The following OR11G2 variants were observed in gnomAD, a reference collection of about 807,000 sequenced individuals.
OR11G2 encodes the protein olfactory receptor 11G2.
Under a neutral mutation model 0.9 loss-of-function variants are expected in OR11G2, and 2 were observed. The observed-to-expected ratio is 2.35, with a 90% CI of 0.96 to 7.38. OR11G2 has a LOEUF of 7.38. Ranked by LOEUF, OR11G2 falls within the 30% of genes most tolerant of loss-of-function variation. The probability of loss-of-function intolerance (pLI) is 0.05; values close to 1 mark genes in which losing one functional copy is unlikely to be tolerated. For synonymous variants in OR11G2, 153 were observed against 142.0 expected (o/e 1.08, Z -0.55); for missense variants, 395 against 371.3 (o/e 1.06, Z -0.52).
intron 1 of OR11G2, among the ~76,000 whole-genome samples, chr14:20,195,574 A>G (rs570296102): frequency 6.6e-6 from 1 of 152,188 alleles, no homozygotes; most frequent in African/African-American, 2.4e-5. Context: ...TTGTGTTAAA[A>G]TTTCTCCCTC....
Position 20,200,951 on chromosome 14 carries a change from CA to C in OR11G2, c.*2584del, listed in dbSNP as rs1257251412. On this transcript the variant is annotated 3_prime_UTR_variant, in exon 2 of 2. Coordinates refer to ENST00000641879, the MANE Select transcript of OR11G2 (RefSeq NM_001386033.1). ...ATGTGTATATCTCCTGAAAGAGCTC[CA>C]AAAAACTGATAACAATGGTTGCTTC... 6.6e-6 allele frequency: 1 copy of C among 151,968 alleles called. No homozygotes were observed. The highest frequency in any genetic ancestry group is 2.4e-5 in the African/African-American group (1 of 41,370). 9.4% of individuals were successfully genotyped at this position (151,968 alleles called of 1,614,324 possible).
chr14:20,195,031 AG>A (rs1213295644), intron 1 of OR11G2, among the ~76,000 whole-genome samples: 1 of 152,238 alleles, frequency 6.6e-6, no homozygotes, highest in Non-Finnish European at 1.5e-5. Flanking sequence ...GAAGCAGAAA[AG>A]AAAAAACTTA....
In OR11G2 at chr14:20,200,393, T is replaced by G. The variant is rs116408634; in HGVS notation, c.*2020T>G. 3 of 152,102 alleles carry G rather than the reference T, an allele frequency of 2.0e-5. No individual in the cohort carries two copies. The highest frequency in any genetic ancestry group is 7.2e-5 in the African/African-American group (3 of 41,418). The allele number at this position is 152,102 out of a possible 1,614,324, so 9.4% of individuals were successfully genotyped here. A position where few individuals can be genotyped will look rare whatever the true frequency, so the allele number is the denominator to read the frequency against. Reference sequence around the variant, plus strand: ...TAAACGAATAACATCCAGAAAAAGATTCTTAAACATGGAAAGGGCACTAAC... The same window carrying G: ...TAAACGAATAACATCCAGAAAAAGAGTCTTAAACATGGAAAGGGCACTAAC... On this transcript the variant is annotated 3_prime_UTR_variant, in exon 2 of 2. Coordinates refer to ENST00000641879, the MANE Select transcript of OR11G2 (RefSeq NM_001386033.1).
chr14:20,192,467 A>G (rs554950021), intron 1 of OR11G2, among the ~76,000 whole-genome samples: 34 of 152,212 alleles, frequency 2.2e-4, no homozygotes, highest in Non-Finnish European at 4.3e-4. Flanking sequence ...AAGCTGTGGA[A>G]CAATAATTAT....
chr14:20,196,143 T>C (rs898783825), intron 1 of OR11G2, among the ~76,000 whole-genome samples: 3 of 152,238 alleles, frequency 2.0e-5, no homozygotes, highest in Admixed American at 2.0e-4. Flanking sequence ...CTGGTAATTT[T>C]ACCTCGTCCT....
rs1426817564 is a variant in OR11G2, at chr14:20,198,217, G to C, written c.780G>C (p.Leu260=). The change falls in exon 2 of 2, where the codon CTG becomes CTC. Residue 260 remains leucine (L), a synonymous_variant. Transcript: ENST00000641879. Reference sequence around the variant, plus strand: ...TTTCACTGTTCTACGGCTCAGTACTGGTCATGTATGGGAGCCCACCATCTA... The same window carrying C: ...TTTCACTGTTCTACGGCTCAGTACTCGTCATGTATGGGAGCCCACCATCTA... ...AVVSLFYGSV[L]VMYGSPPSKN... is the part of the protein sequence containing the mutation. The C allele has an allele frequency of 8.1e-6, 13 of 1,613,984 alleles. No individual in the cohort carries two copies. The highest frequency in any genetic ancestry group is 4.0e-5 in the African/African-American group (3 of 74,896).
rs913407236 is a variant in OR11G2, at chr14:20,199,737, G to A, written c.*1364G>A. On this transcript the variant is annotated 3_prime_UTR_variant, in exon 2 of 2. Transcript: ENST00000641879. ...CTTTCAGGAGATTATCATGTAGCAT[G>A]TGTCTTCAAAAGCCCACAAATCAGA... 2.0e-5 allele frequency: 3 copies of A among 152,122 alleles called. No individual in the cohort carries two copies. Among genetic ancestry groups the A allele is most frequent in the African/African-American group, 7.2e-5 (3 of 41,420 alleles). 9.4% of individuals were successfully genotyped at this position (152,122 alleles called of 1,614,324 possible). A position where few individuals can be genotyped will look rare whatever the true frequency, so the allele number is the denominator to read the frequency against.
At position 20,198,972 on chromosome 14, in the gene OR11G2, G is replaced by T. The variant is rs1340004606; in HGVS notation, c.*599G>T. The T allele has an allele frequency of 6.6e-6, 1 of 152,232 alleles. No homozygotes were observed. Among genetic ancestry groups the T allele is most frequent in the African/African-American group, 2.4e-5 (1 of 41,450 alleles). The allele number at this position is 152,232 out of a possible 1,614,324, so 9.4% of individuals were successfully genotyped here. On this transcript the variant is annotated 3_prime_UTR_variant, in exon 2 of 2. Transcript: ENST00000641879. ...CTAGCAAGTAGATGGAGTAGAGGCA[G>T]ATCACATTGATTCTATTTAAGCACT...
intron 1 of OR11G2, among the ~76,000 whole-genome samples, chr14:20,192,249 A>G (rs1313002052): frequency 6.6e-6 from 1 of 152,212 alleles, no homozygotes; most frequent in Non-Finnish European, 1.5e-5. Flanking sequence ...CTAGATCCAT[A>G]AAGTCTTCAT....
chr14:20,194,372 A>C (rs1566352660), intron 1 of OR11G2, among the ~76,000 whole-genome samples: 1 of 152,132 alleles, frequency 6.6e-6, no homozygotes, highest in African/African-American at 2.4e-5. Context: ...AGATGGGGAG[A>C]AGTGAGCAGA....
chr14:20,198,544 C>G lies in OR11G2; in HGVS notation c.*171C>G, dbSNP rs568674709. 2.1e-6 allele frequency: 1 copy of G among 477,150 alleles called. No individual in the cohort carries two copies. Among genetic ancestry groups the G allele is most frequent in the Non-Finnish European group, 3.7e-6 (1 of 270,400 alleles). The allele number at this position is 477,150 out of a possible 1,614,324, so 29.6% of individuals were successfully genotyped here. A position where few individuals can be genotyped will look rare whatever the true frequency, so the allele number is the denominator to read the frequency against. ...GAGATCAAGACCACCCTGGCTAACA[C>G]GGTGAAACCCTGTCTCTACTAAAAA... On this transcript the variant is annotated 3_prime_UTR_variant, in exon 2 of 2. Coordinates refer to ENST00000641879, the MANE Select transcript of OR11G2 (RefSeq NM_001386033.1).
intron 1 of OR11G2, among the ~76,000 whole-genome samples, chr14:20,192,103 G>C (rs913129776): frequency 6.6e-6 from 1 of 152,102 alleles, no homozygotes; most frequent in South Asian, 2.1e-4. Context: ...ATGTTGGCCA[G>C]GTTGGTCTCA....
chr14:20,193,085 T>TTTTTG (rs1283046936), intron 1 of OR11G2, among the ~76,000 whole-genome samples: 1 of 152,082 alleles, frequency 6.6e-6, no homozygotes. Context: ...CTCTGTTTGT[T>TTTTTG]TTTTGTTTTG....
chr14:20,193,487 C>G (rs958201260), intron 1 of OR11G2, among the ~76,000 whole-genome samples: 1 of 152,186 alleles, frequency 6.6e-6, no homozygotes, highest in Admixed American at 6.5e-5. Flanking sequence ...GTTCTGTTTT[C>G]CCTATAAATG....
At chr14:20,194,379 C>A (rs568656261) in intron 1 of OR11G2, among the ~76,000 whole-genome samples, 2 of 152,052 alleles carry the variant, frequency 1.3e-5, no homozygotes, top group African/African-American at 4.8e-5. Context: ...GAGAAGTGAG[C>A]AGACATGAGA....
At chr14:20,194,740 T>G (rs1490246623) in intron 1 of OR11G2, among the ~76,000 whole-genome samples, 1 of 152,222 alleles carries the variant, frequency 6.6e-6, no homozygotes, top group Non-Finnish European at 1.5e-5. Flanking sequence ...TTCTTTTTTG[T>G]GTGTTTTTAT....
rs891067032 is a variant in OR11G2, at chr14:20,196,067, T to C, written c.-4-1367T>C. On this transcript the variant is annotated intron_variant, in intron 1 of 1. Transcript: ENST00000641879. ...AACTAATGGAAGATACAGACTAAAGTTGGTAAAAATTGTTATATAGATTCC... is the reference window on the plus strand; with the variant it reads ...AACTAATGGAAGATACAGACTAAAGCTGGTAAAAATTGTTATATAGATTCC... 9.9e-5 allele frequency among the ~76,000 whole-genome samples: 15 copies of C among 152,164 alleles called. No homozygotes were observed. The East Asian group carries it at 2.9e-3, about 29-fold the overall frequency.
At position 20,191,222 on chromosome 14, in the gene OR11G2, T is replaced by C. The variant is rs528821052; in HGVS notation, c.-449T>C. 2 of 152,322 alleles carry C rather than the reference T, an allele frequency of 1.3e-5. No homozygotes were observed. The highest frequency in any genetic ancestry group is 4.8e-5 in the African/African-American group (2 of 41,572). 9.4% of individuals were successfully genotyped at this position (152,322 alleles called of 1,614,324 possible). A position where few individuals can be genotyped will look rare whatever the true frequency, so the allele number is the denominator to read the frequency against. On this transcript the variant is annotated 5_prime_UTR_variant, in exon 1 of 2. Transcript: ENST00000641879. ...AAGCTGTTCTTATTTTCAAGGACTTTGCAGAAAGTAAATAGGTGTAATGAT... is the reference window on the plus strand; with the variant it reads ...AAGCTGTTCTTATTTTCAAGGACTTCGCAGAAAGTAAATAGGTGTAATGAT...
Position 20,197,617 on chromosome 14 carries a change from C to T in OR11G2, c.180C>T (p.His60=), listed in dbSNP as rs141405214. The T allele has an allele frequency of 1.3e-4, 205 of 1,614,016 alleles. 1 individual carries two copies. The highest frequency in any genetic ancestry group is 1.5e-4 in the Non-Finnish European group (174 of 1,180,034). Residue 60 remains histidine (H), a synonymous_variant, in exon 2 of 2, where the codon CAC becomes CAT. Transcript: ENST00000641879. ...ICAVHWDQRL[H]APMYILLANF... ...CTGTGCACTGGGATCAGAGACTCCA[C>T]GCCCCCATGTACATCCTGCTCGCCA... is the stretch of plus-strand genomic sequence containing the variant.
Sources: allele counts gnomAD v4.1 joint callset (sites outside exome capture counted in the v4.1 genomes callset), GRCh38; gene constraint gnomAD v4.1.1; transcripts MANE v1.5; gene names NCBI Gene and HGNC (gene_info 2026-07-23, HGNC 2026-07-21).